CPAP: variants seen among roughly 807,000 people sequenced by gnomAD.
CPAP encodes the protein centrosomal P4.1-associated protein.
At chr13:24,913,741 C>A in the CPAP span, among the ~76,000 whole-genome samples, 1 of 152,226 alleles carries the variant, frequency 6.6e-6, no homozygotes. Flanking sequence ...TCACTACTGC[C>A]AAGCACCATG....
At chr13:24,925,563 A>G in the CPAP span, among the ~76,000 whole-genome samples, 1 of 152,214 alleles carries the variant, frequency 6.6e-6, no homozygotes. Context: ...TCACACCACG[A>G]GACTACAGCC....
chr13:24,909,514 C>A, the CPAP span, among the ~76,000 whole-genome samples: 65 of 149,468 alleles, frequency 4.3e-4, no homozygotes, highest in African/African-American at 1.5e-3. Flanking sequence ...GGTGACAGAG[C>A]GAGACTGTCT....
At chr13:24,886,370 G>A in the CPAP span, 1 of 1,289,208 alleles carries the variant, frequency 7.8e-7, no homozygotes, top group East Asian at 5.5e-5. Context: ...GGGCGTGTGA[G>A]GCGGCTGTGC....
the CPAP span, chr13:24,905,924 T>G: frequency 1.2e-6 from 2 of 1,613,998 alleles, no homozygotes; most frequent in Admixed American, 3.3e-5. Context: ...TTCCTCAGAG[T>G]CAGTGCTACT....
chr13:24,923,324 T>C, the CPAP span, among the ~76,000 whole-genome samples: 2 of 152,060 alleles, frequency 1.3e-5, no homozygotes, highest in East Asian at 3.9e-4. Context: ...TTTTCCGCTT[T>C]GGCTGAGGTG....
chr13:24,889,432 A>G, the CPAP span: 1 of 1,411,572 alleles, frequency 7.1e-7, no homozygotes, highest in Non-Finnish European at 1.0e-6. Flanking sequence ...TTTATTTAAA[A>G]TGAGTGTTAG....
chr13:24,918,953 A>G, the CPAP span, among the ~76,000 whole-genome samples: 1 of 152,184 alleles, frequency 6.6e-6, no homozygotes, highest in Admixed American at 6.5e-5. Context: ...GCCAACAAAA[A>G]AAAAGTTTTA....
At chr13:24,923,137 C>T in the CPAP span, among the ~76,000 whole-genome samples, 2 of 152,202 alleles carry the variant, frequency 1.3e-5, no homozygotes, top group Non-Finnish European at 2.9e-5. Context: ...CTAAAGGGAA[C>T]GCCTAACGGA....
chr13:24,905,696 G>C, the CPAP span: 3 of 1,613,990 alleles, frequency 1.9e-6, no homozygotes, highest in Non-Finnish European at 2.5e-6. Context: ...TGAGGATCTC[G>C]AGGGCTCAGA....
At chr13:24,883,255 A>T in the CPAP span, 1 of 1,614,052 alleles carries the variant, frequency 6.2e-7, no homozygotes. Context: ...TCGTTTCTTG[A>T]TGACCGTTTG....
chr13:24,891,130 T>A, the CPAP span, among the ~76,000 whole-genome samples: 7 of 151,768 alleles, frequency 4.6e-5, no homozygotes, highest in Non-Finnish European at 8.8e-5. Context: ...CCTGGTAAAC[T>A]CCATGGCCGA....
At chr13:24,899,571 C>G in the CPAP span, 2 of 1,613,412 alleles carry the variant, frequency 1.2e-6, no homozygotes, top group African/African-American at 2.7e-5. Context: ...TGTTCGAAGT[C>G]TGCAATTTCT....
At chr13:24,887,889 TC>T in the CPAP span, among the ~76,000 whole-genome samples, 4 of 152,144 alleles carry the variant, frequency 2.6e-5, no homozygotes, top group Non-Finnish European at 5.9e-5. Context: ...CTGCAAGTCT[TC>T]TGTCTCCAAA....
chr13:24,885,277 T>G, the CPAP span: 15 of 1,578,386 alleles, frequency 9.5e-6, no homozygotes, highest in Non-Finnish European at 1.3e-5. Flanking sequence ...TTTTTTAACC[T>G]TTCCATCAGG....
the CPAP span, among the ~76,000 whole-genome samples, chr13:24,926,987 G>C: frequency 6.6e-6 from 1 of 152,190 alleles, no homozygotes; most frequent in African/African-American, 2.4e-5. Context: ...AATATGATGA[G>C]TTGTGTGAAT....
chr13:24,907,285 T>TG, the CPAP span: 1 of 1,106,912 alleles, frequency 9.0e-7, no homozygotes, highest in African/African-American at 1.5e-5. Context: ...CTTGACAACA[T>TG]GGAGAACTAA....
At chr13:24,892,800 G>A in the CPAP span, 1 of 1,613,076 alleles carries the variant, frequency 6.2e-7, no homozygotes, top group Non-Finnish European at 8.5e-7. Flanking sequence ...ACGGCTGTGT[G>A]TACTTGACCA....
the CPAP span, among the ~76,000 whole-genome samples, chr13:24,890,909 A>T: frequency 6.6e-6 from 1 of 151,342 alleles, no homozygotes; most frequent in East Asian, 1.9e-4. Context: ...CTGCGTCAAT[A>T]TTTTCCTCTC....
the CPAP span, chr13:24,908,087 A>T: frequency 6.2e-7 from 1 of 1,613,002 alleles, no homozygotes; most frequent in African/African-American, 1.3e-5. Flanking sequence ...TGCTTCCTGA[A>T]TCTGTTCTGT....
Sources: gnomAD v4.1 joint callset for allele counts (sites outside exome capture counted in the v4.1 genomes callset) on GRCh38, gnomAD v4.1.1 for gene constraint, MANE v1.5 for transcripts, NCBI Gene and HGNC (gene_info 2026-07-23, HGNC 2026-07-21) for gene names.